Variants in PCDHGA1 observed in about 807,000 individuals in gnomAD.
PCDHGA1 encodes protocadherin gamma subfamily A, 1, also known as protocadherin gamma-A1.
Under a neutral mutation model 58.0 loss-of-function variants are expected in PCDHGA1, and 32 were observed. That is an observed-to-expected ratio of 0.55 (90% confidence interval 0.42 to 0.74). PCDHGA1 has a LOEUF of 0.74. PCDHGA1 is among the 30% of genes least tolerant of loss of function. The pLI, the probability that PCDHGA1 is intolerant of heterozygous loss-of-function variation, is 0.00. For missense variants in PCDHGA1, 1,205 were observed against 1,182.3 expected, an observed-to-expected ratio of 1.02 and a Z score of -0.28; for synonymous variants, 498 against 501.1, an observed-to-expected ratio of 0.99 and a Z score of 0.08.
At chr5:141,389,715 G>A (rs1210776013) in intron 1 of PCDHGA1, 4 of 1,612,586 alleles carry the variant, frequency 2.5e-6, no homozygotes, top group Middle Eastern at 1.7e-4. Context: ...GCAGGCTAGC[G>A]AGCCCGGGCT....
rs760153018 is a variant in PCDHGA1, at chr5:141,344,534, G to A, written c.2421+11429G>A. ...ACCCAGATGTAGGCATTAACTCCCT[G>A]CAGAACTACAAGCTTAGCCCCAATG... On this transcript the variant is annotated intron_variant, in intron 1 of 3. Transcript: ENST00000517417. The A allele has an allele frequency of 2.5e-5, 40 of 1,613,862 alleles. No individual in the cohort carries two copies. The Middle Eastern group carries it at 4.9e-4, about 20-fold the overall frequency.
Position 141,490,924 on chromosome 5 carries a change from C to G in PCDHGA1, c.2422-3883C>G, listed in dbSNP as rs1469202824. The G allele has an allele frequency of 1.9e-6, 3 of 1,613,562 alleles. No individual in the cohort carries two copies. The highest frequency in any genetic ancestry group is 2.5e-6 in the Non-Finnish European group (3 of 1,179,702). ...TGTCCTAGACGAGAATGATAATGCC[C>G]CAGCTGTGCTGCACCCACGGCCAGA... On this transcript the variant is annotated intron_variant, in intron 1 of 3. Transcript: ENST00000517417. The surrounding 1 kb of genome is among the most constrained non-coding windows in gnomAD (Gnocchi z 5.4).
chr5:141,358,677 G>T (rs1034495603), intron 1 of PCDHGA1, among the ~76,000 whole-genome samples: 2 of 152,088 alleles, frequency 1.3e-5, no homozygotes, highest in Non-Finnish European at 1.5e-5. Context: ...TTTTTAAATT[G>T]CTTATCATGA....
At chr5:141,414,320 A>C (rs372261571) in intron 1 of PCDHGA1, 7 of 1,613,840 alleles carry the variant, frequency 4.3e-6, no homozygotes, top group Non-Finnish European at 5.9e-6. Flanking sequence ...GACTCTGAGC[A>C]GAATGGACAG....
At chr5:141,500,326 A>T (rs1041431019) in intron 2 of PCDHGA1, among the ~76,000 whole-genome samples, 7 of 152,022 alleles carry the variant, frequency 4.6e-5, no homozygotes, top group Non-Finnish European at 1.0e-4. Context: ...CTCCTGCCTC[A>T]GCCTCCAGAA....
chr5:141,390,158 A>G, intron 1 of PCDHGA1: 1 of 1,614,042 alleles, frequency 6.2e-7, no homozygotes, highest in Non-Finnish European at 8.5e-7. Context: ...CACATACAGG[A>G]AAGACGGAGT....
At position 141,486,493 on chromosome 5, in the gene PCDHGA1, T is replaced by C. The variant is rs761905572; in HGVS notation, c.2422-8314T>C. The C allele has an allele frequency of 1.2e-6, 2 of 1,614,136 alleles. No homozygotes were observed. The highest frequency in any genetic ancestry group is 1.7e-6 in the Non-Finnish European group (2 of 1,179,960). Reference sequence around the variant, plus strand: ...ACCCTCCTCTCAGTACCCACAGAACTATTTTCCTCAATATTTCAGATGTGA... The same window carrying C: ...ACCCTCCTCTCAGTACCCACAGAACCATTTTCCTCAATATTTCAGATGTGA... On this transcript the variant is annotated intron_variant, in intron 1 of 3. Transcript: ENST00000517417. The surrounding 1 kb of genome is among the most constrained non-coding windows in gnomAD (Gnocchi z 5.0).
intron 1 of PCDHGA1, chr5:141,352,375 A>G (rs777856630): frequency 3.1e-6 from 5 of 1,613,806 alleles, no homozygotes; most frequent in African/African-American, 1.3e-5. Context: ...CGGTGATTCT[A>G]GCGATCGCCC....
At chr5:141,361,295 T>C in intron 1 of PCDHGA1, 1 of 1,613,990 alleles carries the variant, frequency 6.2e-7, no homozygotes, top group Non-Finnish European at 8.5e-7. Context: ...TGCCAAGTGT[T>C]GGGAAATGCC....
intron 1 of PCDHGA1, chr5:141,422,941 G>C (rs777535652): frequency 1.2e-6 from 2 of 1,614,218 alleles, no homozygotes; most frequent in Non-Finnish European, 1.7e-6. Context: ...CCCCACAGAC[G>C]GCTCCACTGG....
In PCDHGA1 at chr5:141,485,849, G is replaced by A. The variant is rs777288674; in HGVS notation, c.2422-8958G>A. ...AGGGAACCCGCCGAGATCTGGCACC[G>A]CAGAGCTCCGGGTATCCGTGCTGGA... On this transcript the variant is annotated intron_variant, in intron 1 of 3. Transcript: ENST00000517417. The surrounding 1 kb of genome is among the most constrained non-coding windows in gnomAD (Gnocchi z 5.7). 3 of 1,614,130 alleles carry A rather than the reference G, an allele frequency of 1.9e-6. No individual in the cohort carries two copies. In the South Asian group the frequency reaches 3.3e-5, roughly 18 times the overall value.
chr5:141,351,428 T>C (rs746578484), intron 1 of PCDHGA1: 295 of 1,611,860 alleles, frequency 1.8e-4, no homozygotes, highest in Non-Finnish European at 2.4e-4. Flanking sequence ...TCCTTTCAAA[T>C]TAGAATCCAC....
At chr5:141,374,898 G>T in intron 1 of PCDHGA1, 3 of 1,613,794 alleles carry the variant, frequency 1.9e-6, no homozygotes, top group Non-Finnish European at 2.5e-6. Context: ...CAGGATGAAG[G>T]AGTCCACGGG....
chr5:141,398,985 A>C, intron 1 of PCDHGA1: 2 of 1,613,964 alleles, frequency 1.2e-6, no homozygotes, highest in Non-Finnish European at 1.7e-6. Context: ...GAACCGGGCA[A>C]ATCTTTAGTC....
chr5:141,382,779 C>G (rs1561592016), intron 1 of PCDHGA1: 3 of 834,176 alleles, frequency 3.6e-6, no homozygotes, highest in Non-Finnish European at 5.6e-6. Flanking sequence ...GCACTAAACT[C>G]AAGCCTCTAT....
At chr5:141,402,272 G>A (rs934353221) in intron 1 of PCDHGA1, among the ~76,000 whole-genome samples, 7 of 151,874 alleles carry the variant, frequency 4.6e-5, no homozygotes, top group African/African-American at 1.2e-4. Context: ...TAATTTCAAA[G>A]TGGATAATCT....
intron 1 of PCDHGA1, chr5:141,343,774 T>C (rs1757321671): frequency 2.4e-6 from 1 of 408,490 alleles, no homozygotes. Context: ...CGGTTAGGCC[T>C]CTTAGTGTCG....
chr5:141,398,383 G>C, intron 1 of PCDHGA1: 4 of 1,451,918 alleles, frequency 2.8e-6, no homozygotes, highest in Non-Finnish European at 2.9e-6. Context: ...GGAGTTGCTT[G>C]TGAGCAGCAG....
rs778172652 is a variant in PCDHGA1, at chr5:141,418,978, C to G, written c.2422-75829C>G. 4 of 1,613,790 alleles carry G rather than the reference C, an allele frequency of 2.5e-6. No individual in the cohort carries two copies. In the South Asian group the frequency reaches 4.4e-5, roughly 18 times the overall value. ...TTGTTGCCCTCTTCAAAACACGGGACCAAGACTCAGGGGAAAATGGGGAAG... is the reference window on the plus strand; with the variant it reads ...TTGTTGCCCTCTTCAAAACACGGGAGCAAGACTCAGGGGAAAATGGGGAAG... On this transcript the variant is annotated intron_variant, in intron 1 of 3. Coordinates refer to ENST00000517417, the MANE Select transcript of PCDHGA1 (RefSeq NM_018912.3).
Sources: allele counts gnomAD v4.1 joint callset (sites outside exome capture counted in the v4.1 genomes callset), GRCh38; gene constraint gnomAD v4.1.1; non-coding constraint Gnocchi (gnomAD v3.1); transcripts MANE v1.5; gene names NCBI Gene and HGNC (gene_info 2026-07-23, HGNC 2026-07-21).